The following CYFIP1 variants were observed in gnomAD, a reference collection of about 807,000 sequenced individuals.
CYFIP1 encodes cytoplasmic FMR1-interacting protein 1.
Under a neutral mutation model 163.5 loss-of-function variants are expected in CYFIP1, and 58 were observed. The ratio of observed to expected loss-of-function variants is 0.35; its 90% CI spans 0.29 to 0.44. The LOEUF is 0.44. Among genes scored for constraint, CYFIP1 ranks in the 20% least tolerant of loss-of-function variants. The probability of loss-of-function intolerance (pLI) is 1.00; values close to 1 mark genes in which losing one functional copy is unlikely to be tolerated. For synonymous variants in CYFIP1, 663 were observed against 660.7 expected (o/e 1.00, Z -0.05); for missense variants, 1,338 against 1,653.8 (o/e 0.81, Z 3.31).
At chr15:22,892,545 T>G (rs555212325) in intron 23 of CYFIP1, among the ~76,000 whole-genome samples, 1 of 152,290 alleles carries the variant, frequency 6.6e-6, no homozygotes, top group South Asian at 2.1e-4. Context: ...CTTCCACTTG[T>G]CTTCTCAGCT....
In CYFIP1 at chr15:22,917,429, TCTA is replaced by T; in HGVS notation, c.1674+356_1674+358del. 1.7e-6 allele frequency: 1 copy of T among 604,086 alleles called. No homozygotes were observed. The highest frequency in any genetic ancestry group is 2.5e-6 in the Non-Finnish European group (1 of 402,340). The allele number at this position is 604,086 out of a possible 1,614,324, so 37.4% of individuals were successfully genotyped here. On this transcript the variant is annotated intron_variant, in intron 15 of 30. Transcript: ENST00000617928. The surrounding 1 kb of genome is among the most constrained non-coding windows in gnomAD (Gnocchi z 4.2). Reference sequence around the variant, plus strand: ...GCACCTCACAGTTTCCCACGCCCCATCTACAGTCATTTGCAGACCCAACGTAAA... The same window carrying T: ...GCACCTCACAGTTTCCCACGCCCCATCAGTCATTTGCAGACCCAACGTAAA...
intron 23 of CYFIP1, among the ~76,000 whole-genome samples, chr15:22,890,034 G>T (rs189101103): frequency 4.9e-4 from 74 of 152,122 alleles, no homozygotes; most frequent in Non-Finnish European, 9.7e-4. Flanking sequence ...ACCACCATTG[G>T]CTCATGCCTG....
chr15:22,867,846 A>ATGT lies in CYFIP1; in HGVS notation c.*2179_*2181dup, dbSNP rs2059225974. 6.6e-6 allele frequency: 1 copy of ATGT among 151,760 alleles called. No individual in the cohort carries two copies. The highest frequency in any genetic ancestry group is 2.1e-4 in the South Asian group (1 of 4,822). The allele number at this position is 151,760 out of a possible 1,614,324, so 9.4% of individuals were successfully genotyped here. On this transcript the variant is annotated 3_prime_UTR_variant, in exon 31 of 31. Coordinates refer to ENST00000617928, the MANE Select transcript of CYFIP1 (RefSeq NM_014608.6). ...CACTACATATTTTGGTTTCTAGAAA[A>ATGT]TGTTTGTTTATGAAGAAGTCGATGG...
chr15:22,969,409 T>G (rs993732933), intron 1 of CYFIP1, among the ~76,000 whole-genome samples: 2 of 152,204 alleles, frequency 1.3e-5, no homozygotes, highest in Admixed American at 6.5e-5. Flanking sequence ...ATAGCACAGA[T>G]GCACATCAGG....
intron 23 of CYFIP1, among the ~76,000 whole-genome samples, chr15:22,884,979 G>A (rs1336776824): frequency 6.9e-6 from 1 of 144,648 alleles, no homozygotes; most frequent in Non-Finnish European, 1.5e-5. Flanking sequence ...GGGGTGGGGA[G>A]GTGGGGGAGG....
rs555521016 is a variant in CYFIP1 at position 22,909,108 on chromosome 15, G to A, written c.2388+86C>T. On this transcript the variant is annotated intron_variant, in intron 21 of 30. Coordinates refer to ENST00000617928, the MANE Select transcript of CYFIP1 (RefSeq NM_014608.6). The stretch of plus-strand genomic sequence containing the variant: ...AAGAGGCTTGGTATAGGCCACGCCC[G>A]ATGAGTGCATCTCTTTTATCATCTA... The A allele has an allele frequency of 3.5e-3, 4,839 of 1,385,124 alleles. 38 individuals carry two copies. The highest frequency in any genetic ancestry group is 6.2e-3 in the Admixed American group (318 of 51,172). The allele number at this position is 1,385,124 out of a possible 1,614,324, so 85.8% of individuals were successfully genotyped here.
intron 1 of CYFIP1, among the ~76,000 whole-genome samples, chr15:22,950,445 A>G (rs1233568375): frequency 1.3e-5 from 2 of 152,164 alleles, no homozygotes; most frequent in South Asian, 2.1e-4. Context: ...ACAACCCTCA[A>G]TGTGAATGCA....
rs1729785544 is a variant in CYFIP1 at position 22,917,304 on chromosome 15, A to G, written c.1674+484T>C. On this transcript the variant is annotated intron_variant, in intron 15 of 30. Transcript: ENST00000617928. This position sits in a 1 kb window ranked among gnomAD's most constrained non-coding sequence, Gnocchi z 4.2. ...ACGGAGGACAGACGCAGCGGTGTGG[A>G]TTAAACCGGGTGTGAAAGTCGTGAG... 1.5e-6 allele frequency: 2 copies of G among 1,338,828 alleles called. No homozygotes were observed. Among genetic ancestry groups the G allele is most frequent in the African/African-American group, 1.5e-5 (1 of 67,894 alleles). The allele number at this position is 1,338,828 out of a possible 1,614,324, so 82.9% of individuals were successfully genotyped here. A position where few individuals can be genotyped will look rare whatever the true frequency, so the allele number is the denominator to read the frequency against.
At chr15:22,951,405 C>G (rs1484935846) in intron 1 of CYFIP1, 1 of 1,289,018 alleles carries the variant, frequency 7.8e-7, no homozygotes, top group Admixed American at 2.3e-5. Flanking sequence ...AGGGTCCAGC[C>G]CCAGCGCTGC....
At chr15:22,946,248 G>A (rs1052023567) in intron 3 of CYFIP1, among the ~76,000 whole-genome samples, 1 of 151,408 alleles carries the variant, frequency 6.6e-6, no homozygotes, top group African/African-American at 2.4e-5. Context: ...AGGCTGCAGT[G>A]AGCCCTAATC....
chr15:22,929,799 G>A (rs545315909), intron 11 of CYFIP1, among the ~76,000 whole-genome samples: 192 of 150,918 alleles, frequency 1.3e-3, no homozygotes, highest in African/African-American at 4.6e-3. Context: ...AGCCGGGCGT[G>A]GTGGCGGGCG....
At chr15:22,951,511 C>T (rs983087410) in intron 1 of CYFIP1, 37 of 1,288,266 alleles carry the variant, frequency 2.9e-5, no homozygotes, top group East Asian at 5.5e-5. Context: ...GGACGTGCTT[C>T]GGCCCCATAG....
chr15:22,894,878 T>TATATATA (rs765803966), intron 22 of CYFIP1, among the ~76,000 whole-genome samples: 2 of 110,256 alleles, frequency 1.8e-5, no homozygotes, highest in African/African-American at 3.3e-5. Context: ...TATATATATA[T>TATATATA]TTTTTTTTTT....
intron 13 of CYFIP1, among the ~76,000 whole-genome samples, chr15:22,923,453 A>C (rs1195195797): frequency 6.6e-6 from 1 of 152,212 alleles, no homozygotes; most frequent in Non-Finnish European, 1.5e-5. Flanking sequence ...TAGAATCAAA[A>C]AGACATACAA....
chr15:22,971,691 A>G (rs1204137948), intron 1 of CYFIP1, among the ~76,000 whole-genome samples: 1 of 151,950 alleles, frequency 6.6e-6, no homozygotes, highest in African/African-American at 2.4e-5. Flanking sequence ...AAAAAAAGAA[A>G]AAAGAAAAAG....
chr15:22,911,806 T>G (rs1343375572), intron 18 of CYFIP1, among the ~76,000 whole-genome samples: 2 of 152,160 alleles, frequency 1.3e-5, no homozygotes, highest in Non-Finnish European at 2.9e-5. Context: ...CTGTGGGAAT[T>G]TGTCCTATAG....
intron 3 of CYFIP1, among the ~76,000 whole-genome samples, chr15:22,945,956 AAAATGGTTTACGTAGCCATT>A (rs991083253): frequency 6.6e-6 from 1 of 152,160 alleles, no homozygotes; most frequent in African/African-American, 2.4e-5. Context: ...GGACATTTAC[AAAATGGTTTACGTAGCCATT>A]AAGGATTGCT....
At chr15:22,926,646 T>C (rs1251300786) in intron 12 of CYFIP1, among the ~76,000 whole-genome samples, 1 of 152,234 alleles carries the variant, frequency 6.6e-6, no homozygotes, top group African/African-American at 2.4e-5. Flanking sequence ...TATCCAAATC[T>C]TTATATGGCA....
chr15:22,904,159 G>A (rs1157875103), intron 21 of CYFIP1: 2 of 558,874 alleles, frequency 3.6e-6, no homozygotes, highest in South Asian at 4.0e-5. Flanking sequence ...CCAGCACCCT[G>A]TGGGGCAGCG....
Sources: allele counts gnomAD v4.1 joint callset (sites outside exome capture counted in the v4.1 genomes callset), GRCh38; gene constraint gnomAD v4.1.1; non-coding constraint Gnocchi (gnomAD v3.1); transcripts MANE v1.5; gene names NCBI Gene and HGNC (gene_info 2026-07-23, HGNC 2026-07-21).